Variants in CDX2 observed in about 807,000 individuals in gnomAD.
CDX2 encodes homeobox protein CDX-2.
A neutral mutation model predicts 25.5 loss-of-function variants in CDX2; 7 were observed. The observed-to-expected ratio is 0.27, with a 90% CI of 0.16 to 0.52. The LOEUF is 0.52. Among genes scored for constraint, CDX2 ranks in the 20% least tolerant of loss-of-function variants. CDX2 has a pLI of 0.97. For missense variants in CDX2, 375 were observed against 431.4 expected (o/e 0.87, Z 1.16); for synonymous variants, 222 against 198.6 (o/e 1.12, Z -0.99).
intron 1 of CDX2, among the ~76,000 whole-genome samples, chr13:27,967,693 A>G (rs764163575): frequency 2.8e-4 from 43 of 152,062 alleles, no homozygotes; most frequent in Non-Finnish European, 5.4e-4. Context: ...AATGACCCCT[A>G]CCTGGAGCGG....
rs765016169 is a variant in CDX2 at position 27,968,454 on chromosome 13, G to C, written c.541+12C>G. 1 of 1,524,764 alleles carries C rather than the reference G, an allele frequency of 6.6e-7. No individual in the cohort carries two copies. 94.5% of individuals were successfully genotyped at this position (1,524,764 alleles called of 1,614,324 possible). A position where few individuals can be genotyped will look rare whatever the true frequency, so the allele number is the denominator to read the frequency against. ...CCCAAGCACCCTCCGAAGGGGCGCA[G>C]CCTCTGCTTACCTTGGCTGCCGAGG... On this transcript the variant is annotated intron_variant, in intron 1 of 2. Transcript: ENST00000381020.
chr13:27,966,433 G>A (rs1342943252), intron 1 of CDX2, among the ~76,000 whole-genome samples: 1 of 152,244 alleles, frequency 6.6e-6, no homozygotes, highest in African/African-American at 2.4e-5. Context: ...TACAGATGAG[G>A]AAATGGAGAA....
At chr13:27,965,790 C>T (rs1184587702) in intron 1 of CDX2, among the ~76,000 whole-genome samples, 1 of 152,234 alleles carries the variant, frequency 6.6e-6, no homozygotes, top group African/African-American at 2.4e-5. Flanking sequence ...AGGGCCTTGA[C>T]AAATAGTGTC....
intron 1 of CDX2, among the ~76,000 whole-genome samples, chr13:27,967,980 C>A (rs1191202261): frequency 3.3e-5 from 5 of 151,404 alleles, no homozygotes; most frequent in Non-Finnish European, 5.9e-5. Context: ...CATCCTCCGA[C>A]CCCCCCAGGT....
At position 27,961,556 on chromosome 13, in the gene CDX2, AG is replaced by A. The variant is rs372027408; in HGVS notation, c.*1558del. The stretch of plus-strand genomic sequence containing the variant: ...TTGTTTGTGGGGTGATTGGGTTGGA[AG>A]GGGGGGCGCGGTCGGGGATAAGGAA... On this transcript the variant is annotated 3_prime_UTR_variant, in exon 3 of 3. Transcript: ENST00000381020. 3.1e-3 allele frequency among the ~76,000 whole-genome samples: 478 copies of A among 151,932 alleles called. 5 individuals carry two copies. The highest frequency in any genetic ancestry group is 0.011 in the African/African-American group (446 of 41,438).
Position 27,964,729 on chromosome 13 carries a change from A to AAG in CDX2, c.687+140_687+141insCT. ...TGTTTAAAAAAAAAAAAAAAAAAAA[A>AAG]AAGGACTCCAAAGACGAATGCTTGC... is the stretch of plus-strand genomic sequence containing the variant. On this transcript the variant is annotated intron_variant, in intron 2 of 2. Coordinates refer to ENST00000381020, the MANE Select transcript of CDX2 (RefSeq NM_001265.6). The surrounding 1 kb of genome is among the most constrained non-coding windows in gnomAD (Gnocchi z 4.7). 17 of 497,874 alleles carry AAG rather than the reference A, an allele frequency of 3.4e-5. No homozygotes were observed. The highest frequency in any genetic ancestry group is 7.3e-5 in the Admixed American group (2 of 27,316). 30.8% of individuals were successfully genotyped at this position (497,874 alleles called of 1,614,324 possible).
Position 27,961,355 on chromosome 13 carries a change from T to C in CDX2, c.*1760A>G, listed in dbSNP as rs1869037041. The stretch of plus-strand genomic sequence containing the variant: ...GCGCGCTGATTAGGCTCTCGGATGT[T>C]GGTGGGAAGATCGAAACGAAGGGCT... On this transcript the variant is annotated 3_prime_UTR_variant, in exon 3 of 3. Coordinates refer to ENST00000381020, the MANE Select transcript of CDX2 (RefSeq NM_001265.6). Among the ~76,000 whole-genome samples, 2 of 152,200 alleles carry C rather than the reference T, an allele frequency of 1.3e-5. No homozygotes were observed. The highest frequency in any genetic ancestry group is 1.3e-4 in the Admixed American group (2 of 15,288).
Position 27,968,475 on chromosome 13 carries a change from C to T in CDX2, c.532G>A (p.Gly178Ser). The T allele has an allele frequency of 6.4e-7, 1 of 1,553,452 alleles. No individual in the cohort carries two copies. ...WMRKPAQQSL[G>S]SQVKTRTKDK... ...CGCAGCCTCTGCTTACCTTGGCTGC[C>T]GAGGGACTGCTGCGCCGGCTTCCGC... Residue 178 changes from glycine to serine, a missense_variant, in exon 1 of 3, where the codon GGC becomes AGC. Physicochemically the swap from Gly to Ser is moderately conservative, Grantham distance 56. Transcript: ENST00000381020.
At position 27,968,884 on chromosome 13, in the gene CDX2, G is replaced by A. The variant is rs1310609489; in HGVS notation, c.123C>T (p.Gly41=). Residue 41 remains glycine, a synonymous_variant, in exon 1 of 3, where the codon GGC becomes GGT. Transcript: ENST00000381020. ...CAGCTGCGGCCGCCACGTGGTAACC[G>A]CCGTAGTCCGGGTACTGCGGGGGGC... is the stretch of plus-strand genomic sequence containing the variant. ...FVSPPQYPDY[G]GYHVAAAAAA... 6.2e-7 allele frequency: 1 copy of A among 1,605,186 alleles called. No homozygotes were observed. Among genetic ancestry groups the A allele is most frequent in the Non-Finnish European group, 8.5e-7 (1 of 1,177,362 alleles).
At position 27,962,148 on chromosome 13, in the gene CDX2, A is replaced by C. The variant is rs928491608; in HGVS notation, c.*967T>G. The C allele has an allele frequency of 4.3e-6, 1 of 232,046 alleles. No homozygotes were observed. The highest frequency in any genetic ancestry group is 8.5e-6 in the Non-Finnish European group (1 of 117,172). The allele number at this position is 232,046 out of a possible 1,614,324, so 14.4% of individuals were successfully genotyped here. Reference sequence around the variant, plus strand: ...TAAATACAGAATCTGAAATCTGGAAAGCTCATTTATCTCTTTTTCTTTTTA... The same window carrying C: ...TAAATACAGAATCTGAAATCTGGAACGCTCATTTATCTCTTTTTCTTTTTA... On this transcript the variant is annotated 3_prime_UTR_variant, in exon 3 of 3. Coordinates refer to ENST00000381020, the MANE Select transcript of CDX2 (RefSeq NM_001265.6).
At position 27,968,634 on chromosome 13, in the gene CDX2, G is replaced by A. The variant is rs901843762; in HGVS notation, c.373C>T (p.His125Tyr). ...GCGCAGGAAGGCGCGGCGGCCGGGTGGTGCGGGTGGTGATGCGGGTGGTGG... is the reference window on the plus strand; with the variant it reads ...GCGCAGGAAGGCGCGGCGGCCGGGTAGTGCGGGTGGTGATGCGGGTGGTGG... ...PHHHPHHHPH[H>Y]PAAAPSCASG... The change falls in exon 1 of 3, where the codon CAC (histidine) becomes TAC (tyrosine). Residue 125 changes from histidine to tyrosine, a missense_variant. Physicochemically the swap from His to Tyr is moderately conservative, Grantham distance 83. Transcript: ENST00000381020. The A allele has an allele frequency of 6.5e-7, 1 of 1,537,524 alleles. No homozygotes were observed. Among genetic ancestry groups the A allele is most frequent in the Non-Finnish European group, 8.7e-7 (1 of 1,147,740 alleles).
At chr13:27,965,443 G>T (rs1440456526) in intron 1 of CDX2, among the ~76,000 whole-genome samples, 1 of 152,126 alleles carries the variant, frequency 6.6e-6, no homozygotes, top group Non-Finnish European at 1.5e-5. Flanking sequence ...TGTCATTGTG[G>T]GCACATGTTG....
chr13:27,965,088 C>A (rs1869250579), intron 1 of CDX2, 73 bp from the exon 2 acceptor site: 2 of 1,497,958 alleles, frequency 1.3e-6, no homozygotes, highest in Admixed American at 1.9e-5. Context: ...ACAAACCTCC[C>A]TAACCCAGGG....
rs974561409 is a variant in CDX2, at chr13:27,964,744, C to T, written c.687+126G>A. 1.8e-5 allele frequency: 12 copies of T among 660,320 alleles called. No homozygotes were observed. Among genetic ancestry groups the T allele is most frequent in the Non-Finnish European group, 3.0e-5 (12 of 397,720 alleles). The allele number at this position is 660,320 out of a possible 1,614,324, so 40.9% of individuals were successfully genotyped here. On this transcript the variant is annotated intron_variant, in intron 2 of 2. Transcript: ENST00000381020. The surrounding 1 kb of genome is among the most constrained non-coding windows in gnomAD (Gnocchi z 4.7). The stretch of plus-strand genomic sequence containing the variant: ...AAAAAAAAAAAAAGGACTCCAAAGA[C>T]GAATGCTTGCATCCTCCTGCTTCAG...
Position 27,962,339 on chromosome 13 carries a change from G to T in CDX2, c.*776C>A. On this transcript the variant is annotated 3_prime_UTR_variant, in exon 3 of 3. Coordinates refer to ENST00000381020, the MANE Select transcript of CDX2 (RefSeq NM_001265.6). The stretch of plus-strand genomic sequence containing the variant: ...ACTCCCCCCACCCCCTTCTTCATCA[G>T]CCCCAAGATTGTGAAAATGACAGGA... The T allele has an allele frequency of 4.3e-6, 1 of 230,680 alleles. No homozygotes were observed. The highest frequency in any genetic ancestry group is 8.5e-6 in the Non-Finnish European group (1 of 117,296). The allele number at this position is 230,680 out of a possible 1,614,324, so 14.3% of individuals were successfully genotyped here.
At position 27,968,515 on chromosome 13, in the gene CDX2, G is replaced by T; in HGVS notation, c.492C>A (p.Asn164Lys). Residue 164 changes from asparagine to lysine, a missense_variant, in exon 1 of 3, where the codon AAC (asparagine) becomes AAA (lysine). Coordinates refer to ENST00000381020, the MANE Select transcript of CDX2 (RefSeq NM_001265.6). ...EQLSPGGQRR[N>K]LCEWMRKPAQ... is the part of the protein sequence containing the mutation. ...CCGGCTTCCGCATCCACTCGCACAGGTTCCGCCGCTGGCCGCCGGGAGACA... is the reference window on the plus strand; with the variant it reads ...CCGGCTTCCGCATCCACTCGCACAGTTTCCGCCGCTGGCCGCCGGGAGACA... 2 of 1,565,282 alleles carry T rather than the reference G, an allele frequency of 1.3e-6. No individual in the cohort carries two copies. The highest frequency in any genetic ancestry group is 1.7e-6 in the Non-Finnish European group (2 of 1,166,836).
At chr13:27,966,933 CA>C (rs1257470113) in intron 1 of CDX2, among the ~76,000 whole-genome samples, 1 of 151,972 alleles carries the variant, frequency 6.6e-6, no homozygotes, top group Non-Finnish European at 1.5e-5. Context: ...GGGCTGCGGC[CA>C]CCCCACATTA....
chr13:27,962,456 G>A lies in CDX2; in HGVS notation c.*659C>T, dbSNP rs942347891. ...GCTCTCTAAACAAGTCCCTGTTCGG[G>A]CCCCCTGGTCAGGCCTGGAGTCCAA... On this transcript the variant is annotated 3_prime_UTR_variant, in exon 3 of 3. Coordinates refer to ENST00000381020, the MANE Select transcript of CDX2 (RefSeq NM_001265.6). 5 of 232,922 alleles carry A rather than the reference G, an allele frequency of 2.1e-5. No individual in the cohort carries two copies. The highest frequency in any genetic ancestry group is 4.2e-5 in the Non-Finnish European group (5 of 117,658). The allele number at this position is 232,922 out of a possible 1,614,324, so 14.4% of individuals were successfully genotyped here.
chr13:27,967,359 C>T, intron 1 of CDX2: 1 of 523,538 alleles, frequency 1.9e-6, no homozygotes, highest in Non-Finnish European at 3.7e-6. Context: ...GAGACAGCCC[C>T]CAAAGGGCGC....
Sources: allele counts gnomAD v4.1 joint callset (sites outside exome capture counted in the v4.1 genomes callset), GRCh38; gene constraint gnomAD v4.1.1; non-coding constraint Gnocchi (gnomAD v3.1); transcripts MANE v1.5; gene names NCBI Gene and HGNC (gene_info 2026-07-23, HGNC 2026-07-21).